CRYBA4: variants seen among roughly 807,000 people sequenced by gnomAD.
CRYBA4 encodes beta-crystallin A4.
CRYBA4 carries 30 observed loss-of-function variants against 31.7 expected under a neutral mutation model. The observed-to-expected ratio is 0.95, with a 90% CI of 0.71 to 1.28. The LOEUF (loss-of-function observed/expected upper bound fraction) is 1.28, where lower values mean the gene tolerates loss of function less well. Among genes scored for constraint, CRYBA4 ranks in the 50% most tolerant of loss-of-function variants. The pLI, the probability that CRYBA4 is intolerant of heterozygous loss-of-function variation, is 0.00. For missense variants in CRYBA4, 225 were observed against 260.7 expected (o/e 0.86, Z 0.94); for synonymous variants, 102 against 102.3 (o/e 1.00, Z 0.02).
In CRYBA4 at chr22:26,628,385, G is replaced by C; in HGVS notation, c.398G>C (p.Gly133Ala). ...GACTATCCTTCCCTCCAGGCCATGG[G>C]ATGGGAAGGCAATGAAGTAGGGTCC... is the stretch of plus-strand genomic sequence containing the variant. Reference protein sequence around the residue: ...SDDYPSLQAMGWEGNEVGSFH... With the variant: ...SDDYPSLQAMAWEGNEVGSFH... The change falls in exon 5 of 6, where the codon GGA (glycine) becomes GCA (alanine). Residue 133 changes from glycine (G) to alanine (A), a missense_variant. Gly to Ala is a moderately conservative substitution (Grantham distance 60). Transcript: ENST00000354760. 6.2e-7 allele frequency: 1 copy of C among 1,614,056 alleles called. No individual in the cohort carries two copies. Among genetic ancestry groups the C allele is most frequent in the Non-Finnish European group, 8.5e-7 (1 of 1,180,012 alleles).
chr22:26,593,489 T>G, the CRYBA4 span, among the ~76,000 whole-genome samples: 1 of 151,952 alleles, frequency 6.6e-6, no homozygotes, highest in African/African-American at 2.4e-5. Flanking sequence ...TTTTTTTAAT[T>G]AAAATTTTTT....
At chr22:26,591,890 T>TACACACACACACAC in the CRYBA4 span, among the ~76,000 whole-genome samples, 1,171 of 135,914 alleles carry the variant, frequency 8.6e-3, 12 homozygotes, top group East Asian at 0.021. Context: ...CCTGGGTGAG[T>TACACACACACACAC]ACACACACAC....
chr22:26,621,497 G>A (rs1929528923), upstream of CRYBA4, among the ~76,000 whole-genome samples: 1 of 152,182 alleles, frequency 6.6e-6, no homozygotes, highest in South Asian at 2.1e-4. Context: ...GCTTCAACTG[G>A]AAGAGAAAGG....
chr22:26,598,675 C>T, the CRYBA4 span, among the ~76,000 whole-genome samples: 5 of 152,216 alleles, frequency 3.3e-5, no homozygotes, highest in African/African-American at 4.8e-5. Context: ...TGAGCCACCA[C>T]GCCCAGCCTG....
the CRYBA4 span, chr22:26,607,916 C>A: frequency 6.2e-7 from 1 of 1,614,224 alleles, no homozygotes; most frequent in Non-Finnish European, 8.5e-7. Flanking sequence ...AGGACATGAG[C>A]CGATCACTGC....
chr22:26,622,127 A>G (rs2145977812), intron 1 of CRYBA4, 141 bp downstream of exon 1: 1 of 258,066 alleles, frequency 3.9e-6, no homozygotes, highest in Middle Eastern at 2.1e-3. Context: ...GATGAGCCCC[A>G]ACCATCAAGA....
At chr22:26,592,911 A>G in the CRYBA4 span, among the ~76,000 whole-genome samples, 1 of 152,126 alleles carries the variant, frequency 6.6e-6, no homozygotes, top group Non-Finnish European at 1.5e-5. Context: ...GAGGCTAAGG[A>G]GGAGGATCAG....
At chr22:26,624,210 GA>G (rs1285769084) in intron 3 of CRYBA4, among the ~76,000 whole-genome samples, 14 of 151,914 alleles carry the variant, frequency 9.2e-5, no homozygotes, top group African/African-American at 2.4e-4. Context: ...GAAGTTTCTA[GA>G]AGGCAGGAAA....
intron 4 of CRYBA4, among the ~76,000 whole-genome samples, chr22:26,626,018 T>C (rs1221608747): frequency 6.6e-6 from 1 of 152,338 alleles, no homozygotes. Flanking sequence ...TCAGTGCTCC[T>C]GATCTTACAT....
chr22:26,616,288 G>C, the CRYBA4 span: 1 of 1,613,958 alleles, frequency 6.2e-7, no homozygotes, highest in Non-Finnish European at 8.5e-7. Context: ...CGCCACTGTG[G>C]CCGAGGCCGA....
At chr22:26,624,163 G>C (rs1486364692) in intron 3 of CRYBA4, among the ~76,000 whole-genome samples, 1 of 152,098 alleles carries the variant, frequency 6.6e-6, no homozygotes, top group Non-Finnish European at 1.5e-5. Context: ...TTGGAAAGTA[G>C]TTGGAAAGAT....
upstream of CRYBA4, among the ~76,000 whole-genome samples, chr22:26,620,859 A>G (rs1929510550): frequency 1.3e-5 from 2 of 152,152 alleles, no homozygotes; most frequent in South Asian, 4.1e-4. Flanking sequence ...CATTGCGCCC[A>G]GCCTAAAGTC....
chr22:26,593,174 C>T, the CRYBA4 span, among the ~76,000 whole-genome samples: 1 of 152,172 alleles, frequency 6.6e-6, no homozygotes, highest in Admixed American at 6.5e-5. Flanking sequence ...GTCTTCCTCC[C>T]CAACCTATCT....
the CRYBA4 span, among the ~76,000 whole-genome samples, chr22:26,592,173 ATAGAT>A: frequency 6.6e-6 from 1 of 152,216 alleles, no homozygotes; most frequent in Non-Finnish European, 1.5e-5. Context: ...TGATAGACAC[ATAGAT>A]TAAACACCAG....
the CRYBA4 span, among the ~76,000 whole-genome samples, chr22:26,590,767 T>A: frequency 2.0e-5 from 3 of 151,642 alleles, no homozygotes; most frequent in Admixed American, 1.3e-4. Flanking sequence ...GCCCTGCCAC[T>A]ACCCCCCCAA....
At chr22:26,621,101 G>A (rs537785755), upstream of CRYBA4, among the ~76,000 whole-genome samples, 2 of 152,148 alleles carry the variant, frequency 1.3e-5, no homozygotes, top group Admixed American at 6.5e-5. Context: ...TCCCTCATAC[G>A]CCAATTCAGA....
chr22:26,625,610 T>C lies in CRYBA4; in HGVS notation c.288T>C (p.Pro96=). 6.2e-7 allele frequency: 1 copy of C among 1,613,660 alleles called. No individual in the cohort carries two copies. The highest frequency in any genetic ancestry group is 8.5e-7 in the Non-Finnish European group (1 of 1,179,880). Reference sequence around the variant, plus strand: ...CCGAGAGGCTCACCTCCTTCCGGCCTGCGGCCTGTGCTGTAAGTTCTACCA... The same window carrying C: ...CCGAGAGGCTCACCTCCTTCCGGCCCGCGGCCTGTGCTGTAAGTTCTACCA... ...YPAERLTSFR[P]AACANHRDSR... The change falls in exon 4 of 6, where the codon CCT becomes CCC. Residue 96 remains proline, a synonymous_variant. Coordinates refer to ENST00000354760, the MANE Select transcript of CRYBA4 (RefSeq NM_001886.3).
the CRYBA4 span, chr22:26,607,811 G>T: frequency 6.3e-7 from 1 of 1,599,618 alleles, no homozygotes; most frequent in Middle Eastern, 1.7e-4. Flanking sequence ...TCTCCTTCTT[G>T]CCCTTGTCAG....
rs555795827 is a variant in CRYBA4, at chr22:26,624,941, G to A, written c.159-540G>A. On this transcript the variant is annotated intron_variant, in intron 3 of 5. Coordinates refer to ENST00000354760, the MANE Select transcript of CRYBA4 (RefSeq NM_001886.3). ...AGAGAGGCAGATGAGGGGCTGCCTCGTGGCAGCCTCCCACAAGAGAGGGAG... is the reference window on the plus strand; with the variant it reads ...AGAGAGGCAGATGAGGGGCTGCCTCATGGCAGCCTCCCACAAGAGAGGGAG... Among the ~76,000 whole-genome samples, 11 of 152,294 alleles carry A rather than the reference G, an allele frequency of 7.2e-5. No homozygotes were observed. The East Asian group carries it at 1.2e-3, about 16-fold the overall frequency.
Sources: allele counts gnomAD v4.1 joint callset (sites outside exome capture counted in the v4.1 genomes callset), GRCh38; gene constraint gnomAD v4.1.1; transcripts MANE v1.5; gene names NCBI Gene and HGNC (gene_info 2026-07-23, HGNC 2026-07-21).